The following SELPLG variants were observed in gnomAD, a reference collection of about 807,000 sequenced individuals.
SELPLG encodes selectin P ligand.
A neutral mutation model predicts 1.1 loss-of-function variants in SELPLG; 2 were observed. That is an observed-to-expected ratio of 1.82 (90% confidence interval 0.74 to 5.71). The LOEUF (loss-of-function observed/expected upper bound fraction) is 5.71, where lower values mean the gene tolerates loss of function less well. Among genes scored for constraint, SELPLG ranks in the 30% most tolerant of loss-of-function variants. The probability of loss-of-function intolerance (pLI) is 0.05; values close to 1 mark genes in which losing one functional copy is unlikely to be tolerated. For synonymous variants in SELPLG, 230 were observed against 221.2 expected (o/e 1.04, Z -0.35); for missense variants, 478 against 524.7 (o/e 0.91, Z 0.87).
chr12:108,627,858 G>A (rs2031965315), intron 1 of SELPLG, among the ~76,000 whole-genome samples: 1 of 152,200 alleles, frequency 6.6e-6, no homozygotes. Context: ...TGGATTGCTT[G>A]AGCTCAGGAG....
At chr12:108,630,876 C>T (rs569607935) in intron 1 of SELPLG, among the ~76,000 whole-genome samples, 127 of 152,312 alleles carry the variant, frequency 8.3e-4, no homozygotes, top group African/African-American at 2.7e-3. Flanking sequence ...AGGCAGGAAC[C>T]ACAGCTGTCT....
intron 1 of SELPLG, among the ~76,000 whole-genome samples, chr12:108,630,949 C>T (rs3782522): frequency 0.29 from 43,380 of 152,142 alleles, 6,357 homozygotes; most frequent in East Asian, 0.41. Flanking sequence ...TCGCAACACT[C>T]GCCCCAGTGG....
rs754641784 is a variant in SELPLG at position 108,623,791 on chromosome 12, T to C, written c.517A>G (p.Thr173Ala). ...GCTTCCGTGGCTGCTGGTGGAGTGG[T>C]CTGTGCCTCTGTGGCTGCCAGTGGA... ...TTPLAATEAQ[T>A]TPPAATEAQT... The change falls in exon 2 of 2, where the codon ACC becomes GCC. Residue 173 changes from threonine (T) to alanine (A), a missense_variant. Thr to Ala is a moderately conservative substitution (Grantham distance 58). Coordinates refer to ENST00000550948, the MANE Select transcript of SELPLG (RefSeq NM_003006.4). 1.2e-6 allele frequency: 2 copies of C among 1,612,868 alleles called. No homozygotes were observed. Among genetic ancestry groups the C allele is most frequent in the South Asian group, 2.2e-5 (2 of 90,938 alleles).
rs544139866 is a variant in SELPLG, at chr12:108,622,916, C to T, written c.*153G>A. On this transcript the variant is annotated 3_prime_UTR_variant, in exon 2 of 2. Transcript: ENST00000550948. ...CTGCTTGGCCCCAGGCTGCTCTTGTCCTGTTTGGGTGGCCAGAGTTCCTTC... is the reference window on the plus strand; with the variant it reads ...CTGCTTGGCCCCAGGCTGCTCTTGTTCTGTTTGGGTGGCCAGAGTTCCTTC... The T allele has an allele frequency of 4.7e-5, 36 of 760,994 alleles. 1 individual carries two copies. The African/African-American group carries it at 5.8e-4, about 12-fold the overall frequency. The allele number at this position is 760,994 out of a possible 1,614,324, so 47.1% of individuals were successfully genotyped here.
intron 1 of SELPLG, chr12:108,631,846 A>G: frequency 6.6e-7 from 1 of 1,505,048 alleles, no homozygotes; most frequent in Non-Finnish European, 8.9e-7. Flanking sequence ...ACAGACCCCC[A>G]ACACACACAC....
chr12:108,625,830 A>G (rs1010994452), intron 1 of SELPLG, among the ~76,000 whole-genome samples: 1 of 152,186 alleles, frequency 6.6e-6, no homozygotes, highest in African/African-American at 2.4e-5. Flanking sequence ...TGAGAATCCT[A>G]TGGTGAGTGA....
intron 1 of SELPLG, among the ~76,000 whole-genome samples, chr12:108,629,020 T>C (rs1299749156): frequency 6.6e-6 from 1 of 152,182 alleles, no homozygotes; most frequent in Non-Finnish European, 1.5e-5. Context: ...GGGTACTTTA[T>C]CTGGAGGACT....
chr12:108,629,818 C>T (rs1014988878), intron 1 of SELPLG, among the ~76,000 whole-genome samples: 4 of 152,142 alleles, frequency 2.6e-5, no homozygotes, highest in African/African-American at 7.2e-5. Flanking sequence ...GTTTTCTCAC[C>T]GTGTATGGCA....
chr12:108,624,113 G>A lies in SELPLG; in HGVS notation c.195C>T (p.Asn65=). 5 of 1,614,194 alleles carry A rather than the reference G, an allele frequency of 3.1e-6. No individual in the cohort carries two copies. In the South Asian group the frequency reaches 4.4e-5, roughly 14 times the overall value. Residue 65 remains asparagine (N), a synonymous_variant, in exon 2 of 2, where the codon AAC becomes AAT. Transcript: ENST00000550948. Reference sequence around the variant, plus strand: ...CAGTCAGAGGAGTGGTGTCAGTGCTGTTCCTCAGCATTTCTGGAGGCTCCG... The same window carrying A: ...CAGTCAGAGGAGTGGTGTCAGTGCTATTCCTCAGCATTTCTGGAGGCTCCG... ...PETEPPEMLR[N]STDTTPLTGP... is the part of the protein sequence containing the mutation.
chr12:108,622,903 A>G lies in SELPLG; in HGVS notation c.*166T>C, dbSNP rs2031847354. On this transcript the variant is annotated 3_prime_UTR_variant, in exon 2 of 2. Transcript: ENST00000550948. Reference sequence around the variant, plus strand: ...TCCACTTGCCCGTCTGCTTGGCCCCAGGCTGCTCTTGTCCTGTTTGGGTGG... The same window carrying G: ...TCCACTTGCCCGTCTGCTTGGCCCCGGGCTGCTCTTGTCCTGTTTGGGTGG... The G allele has an allele frequency of 1.6e-6, 1 of 643,896 alleles. No homozygotes were observed. Among genetic ancestry groups the G allele is most frequent in the Admixed American group, 3.4e-5 (1 of 29,232 alleles). The allele number at this position is 643,896 out of a possible 1,614,324, so 39.9% of individuals were successfully genotyped here.
In SELPLG at chr12:108,624,314, TAGG is replaced by T. The variant is rs1404320465; in HGVS notation, c.-5-5_-5-3del. ...GGAGGAGTTGCAGAGGCATGGCACC[TAGG>T]AGGAGACAATGGGCGGAGGGATGTC... On this transcript the variant is annotated splice_polypyrimidine_tract_variant and splice_region_variant and intron_variant, in intron 1 of 1. Transcript: ENST00000550948. The T allele has an allele frequency of 6.2e-7, 1 of 1,612,010 alleles. No homozygotes were observed. Among genetic ancestry groups the T allele is most frequent in the Non-Finnish European group, 8.5e-7 (1 of 1,178,814 alleles).
intron 1 of SELPLG, 86 bp from the exon 2 acceptor site, chr12:108,624,398 C>T (rs539700560): frequency 7.9e-7 from 1 of 1,261,326 alleles, no homozygotes; most frequent in South Asian, 1.4e-5. Context: ...CCTCTACTGC[C>T]ACAGCTGGAA....
intron 1 of SELPLG, among the ~76,000 whole-genome samples, chr12:108,629,529 ACT>A (rs2032005804): frequency 6.6e-6 from 1 of 152,146 alleles, no homozygotes; most frequent in Non-Finnish European, 1.5e-5. Flanking sequence ...TGGGCAACAT[ACT>A]GAGACCCATA....
At chr12:108,631,509 A>G (rs1436819362) in intron 1 of SELPLG, among the ~76,000 whole-genome samples, 1 of 152,186 alleles carries the variant, frequency 6.6e-6, no homozygotes, top group African/African-American at 2.4e-5. Flanking sequence ...TCAGCCTCCC[A>G]AAGTGCTGGG....
In SELPLG at chr12:108,631,645, A is replaced by AC. The variant is rs1336440133; in HGVS notation, c.-6+2094dup. Among the ~76,000 whole-genome samples, 3 of 150,548 alleles carry AC rather than the reference A, an allele frequency of 2.0e-5. 1 individual carries two copies. The highest frequency in any genetic ancestry group is 4.2e-4 in the South Asian group (2 of 4,732). ...GTGTTAGTTGAGATTTTTTTGTTAC[A>AC]CCCCCCTCCCTACCCTCCACCCCAC... is the stretch of plus-strand genomic sequence containing the variant. On this transcript the variant is annotated intron_variant, in intron 1 of 1. Coordinates refer to ENST00000550948, the MANE Select transcript of SELPLG (RefSeq NM_003006.4).
Position 108,622,237 on chromosome 12 carries a change from G to GA in SELPLG, c.*831dup, listed in dbSNP as rs924431427. ...ATGGAGAATTCCGGGAAGGCTGCCT[G>GA]AAGGAGACAGCCTTGAAACCTTGAA... On this transcript the variant is annotated 3_prime_UTR_variant, in exon 2 of 2. Transcript: ENST00000550948. 1 of 152,266 alleles carries GA rather than the reference G, an allele frequency of 6.6e-6. No individual in the cohort carries two copies. Among genetic ancestry groups the GA allele is most frequent in the African/African-American group, 2.4e-5 (1 of 41,468 alleles). The allele number at this position is 152,266 out of a possible 1,614,324, so 9.4% of individuals were successfully genotyped here.
intron 1 of SELPLG, among the ~76,000 whole-genome samples, chr12:108,628,984 G>A (rs2031995036): frequency 6.6e-6 from 1 of 152,196 alleles, no homozygotes; most frequent in Non-Finnish European, 1.5e-5. Flanking sequence ...GTGTATGGAA[G>A]TTCCCAGACG....
At chr12:108,625,220 T>A (rs954856982) in intron 1 of SELPLG, among the ~76,000 whole-genome samples, 1 of 152,092 alleles carries the variant, frequency 6.6e-6, no homozygotes, top group Non-Finnish European at 1.5e-5. Flanking sequence ...CCATGCCACC[T>A]CTATATGTCT....
At chr12:108,633,424 C>T (rs145661679) in intron 1 of SELPLG, among the ~76,000 whole-genome samples, 122 of 152,238 alleles carry the variant, frequency 8.0e-4, no homozygotes, top group African/African-American at 2.7e-3. Flanking sequence ...TCACTTGTGC[C>T]CAGGAGTTTA....
Sources: allele counts gnomAD v4.1 joint callset (sites outside exome capture counted in the v4.1 genomes callset), GRCh38; gene constraint gnomAD v4.1.1; transcripts MANE v1.5; gene names NCBI Gene and HGNC (gene_info 2026-07-23, HGNC 2026-07-21).